The following GNAI1 variants were observed in gnomAD, a reference collection of about 807,000 sequenced individuals.
GNAI1 encodes guanine nucleotide-binding protein G(i) subunit alpha-1.
A neutral mutation model predicts 38.9 loss-of-function variants in GNAI1; 11 were observed. The ratio of observed to expected loss-of-function variants is 0.28; its 90% CI spans 0.18 to 0.47. The LOEUF is 0.47. Ranked by LOEUF, GNAI1 falls within the 20% of genes least tolerant of loss-of-function variation. The pLI is 0.99. For missense variants in GNAI1, 317 were observed against 436.9 expected (o/e 0.73, Z 2.45); for synonymous variants, 166 against 145.1 (o/e 1.14, Z -1.04).
chr7:80,199,124 T>C, intron 3 of GNAI1, 101 bp from the exon 4 acceptor site: 1 of 821,916 alleles, frequency 1.2e-6, no homozygotes, highest in Non-Finnish European at 1.9e-6. Flanking sequence ...CAAAGGAAGT[T>C]CGCTATTGCC....
rs1789055954 is a variant in GNAI1, at chr7:80,220,592, ATTCTC to A, written c.*3103_*3107del. Among the ~76,000 whole-genome samples the A allele has an allele frequency of 6.6e-6, 1 of 152,182 alleles. No homozygotes were observed. Among genetic ancestry groups the A allele is most frequent in the Non-Finnish European group, 1.5e-5 (1 of 68,040 alleles). ...CCCTAAGGCGCTTGTGGTTTCTAAA[ATTCTC>A]TTCATTTCAGTAACCTTCTAAAAGT... On this transcript the variant is annotated 3_prime_UTR_variant, in exon 8 of 8. Transcript: ENST00000649796.
chr7:80,174,045 G>C (rs1176944275), intron 1 of GNAI1, among the ~76,000 whole-genome samples: 1 of 152,116 alleles, frequency 6.6e-6, no homozygotes, highest in East Asian at 1.9e-4. Flanking sequence ...AGGAAACTTT[G>C]GAGAGTTAAA....
intron 1 of GNAI1, among the ~76,000 whole-genome samples, chr7:80,184,350 G>A (rs745849957): frequency 2.6e-5 from 4 of 152,152 alleles, no homozygotes; most frequent in South Asian, 2.1e-4. Flanking sequence ...ACATTGGTAC[G>A]TCCAGGGTCT....
At position 80,217,891 on chromosome 7, in the gene GNAI1, G is replaced by GACTATT. The variant is rs1789001002; in HGVS notation, c.*403_*408dup. ...TAAATATACCTTGTACTGAATGACA[G>GACTATT]ACTATTACTACGTTTGCCAGTTTTA... On this transcript the variant is annotated 3_prime_UTR_variant, in exon 8 of 8. Transcript: ENST00000649796. The GACTATT allele has an allele frequency of 6.5e-6, 1 of 153,078 alleles. No individual in the cohort carries two copies. The highest frequency in any genetic ancestry group is 2.4e-5 in the African/African-American group (1 of 41,430). The allele number at this position is 153,078 out of a possible 1,614,324, so 9.5% of individuals were successfully genotyped here.
intron 1 of GNAI1, among the ~76,000 whole-genome samples, chr7:80,184,643 A>G (rs986589336): frequency 1.3e-5 from 2 of 152,132 alleles, no homozygotes; most frequent in African/African-American, 4.8e-5. Context: ...TTTTCTATCT[A>G]TATGGAGACT....
rs144658744 is a variant in GNAI1 at position 80,219,801 on chromosome 7, G to A, written c.*2308G>A. On this transcript the variant is annotated 3_prime_UTR_variant, in exon 8 of 8. Coordinates refer to ENST00000649796, the MANE Select transcript of GNAI1 (RefSeq NM_002069.6). Reference sequence around the variant, plus strand: ...ATGTATACATGTGCCATGGTGGTTTGCTGCACCTATCAACCTGTCATCTAA... The same window carrying A: ...ATGTATACATGTGCCATGGTGGTTTACTGCACCTATCAACCTGTCATCTAA... 3.9e-4 allele frequency among the ~76,000 whole-genome samples: 59 copies of A among 152,234 alleles called. No individual in the cohort carries two copies. Among genetic ancestry groups the A allele is most frequent in the Middle Eastern group, 3.4e-3 (1 of 294 alleles).
intron 1 of GNAI1, among the ~76,000 whole-genome samples, chr7:80,150,341 T>C (rs945657911): frequency 2.0e-5 from 3 of 152,146 alleles, no homozygotes; most frequent in African/African-American, 7.2e-5. Context: ...ATACTGAAAG[T>C]GAAATACTAT....
At chr7:80,152,111 C>G (rs1468918505) in intron 1 of GNAI1, among the ~76,000 whole-genome samples, 1 of 152,112 alleles carries the variant, frequency 6.6e-6, no homozygotes, top group African/African-American at 2.4e-5. Flanking sequence ...TCTCATGTTA[C>G]AAAGCAGGAA....
chr7:80,183,617 C>G (rs1332760751), intron 1 of GNAI1, among the ~76,000 whole-genome samples: 1 of 151,376 alleles, frequency 6.6e-6, no homozygotes, highest in African/African-American at 2.4e-5. Flanking sequence ...CAAAAGTTGA[C>G]CAAAGGATTT....
At chr7:80,161,309 T>G (rs1346149599) in intron 1 of GNAI1, among the ~76,000 whole-genome samples, 2 of 152,214 alleles carry the variant, frequency 1.3e-5, no homozygotes, top group African/African-American at 2.4e-5. Context: ...TTGCTGCATA[T>G]TGAAGGCACA....
intron 3 of GNAI1, among the ~76,000 whole-genome samples, chr7:80,197,960 T>C (rs951955794): frequency 6.6e-6 from 1 of 152,100 alleles, no homozygotes; most frequent in Admixed American, 6.6e-5. Context: ...TTTGGAAGAA[T>C]GCCTCTTGAA....
intron 1 of GNAI1, chr7:80,135,896 A>G (rs1054073805): frequency 2.0e-6 from 2 of 984,834 alleles, no homozygotes; most frequent in East Asian, 1.1e-4. Flanking sequence ...TGGATGCTTG[A>G]TTTTTCTTGC....
chr7:80,175,702 A>G (rs191192154), intron 1 of GNAI1, among the ~76,000 whole-genome samples: 4 of 152,188 alleles, frequency 2.6e-5, no homozygotes, highest in Admixed American at 2.6e-4. Context: ...GTGATCTGGG[A>G]TCAGTGATCT....
intron 1 of GNAI1, among the ~76,000 whole-genome samples, chr7:80,160,210 T>C (rs1046775595): frequency 5.9e-5 from 9 of 152,012 alleles, no homozygotes; most frequent in Non-Finnish European, 1.0e-4. Context: ...ACAGTTTTTT[T>C]TTTTTTTAAT....
At chr7:80,210,264 C>A (rs2115703892) in intron 5 of GNAI1, among the ~76,000 whole-genome samples, 1 of 152,252 alleles carries the variant, frequency 6.6e-6, no homozygotes, top group East Asian at 1.9e-4. Context: ...CTACTTTGTT[C>A]ACTAACCTAT....
intron 3 of GNAI1, 80 bp from the exon 4 acceptor site, chr7:80,199,145 T>A (rs528574026): frequency 5.1e-5 from 49 of 960,212 alleles, no homozygotes; most frequent in Middle Eastern, 4.6e-4. Flanking sequence ...TTTTTTTTTT[T>A]AACTCTAGAA....
chr7:80,174,347 AT>A (rs1190773685), intron 1 of GNAI1, among the ~76,000 whole-genome samples: 1 of 151,486 alleles, frequency 6.6e-6, no homozygotes, highest in African/African-American at 2.4e-5. Context: ...CTTCAATGTA[AT>A]TTTTCCCTTG....
rs59511755 is a variant in GNAI1, at chr7:80,200,324, C to CAAAAAAAAAAAAAA, written c.461+952_461+965dup. 5.5e-3 allele frequency among the ~76,000 whole-genome samples: 224 copies of CAAAAAAAAAAAAAA among 40,366 alleles called. 53 individuals carry two copies. Among genetic ancestry groups the CAAAAAAAAAAAAAA allele is most frequent in the African/African-American group, 0.028 (170 of 6,040 alleles). 26.5% of individuals were successfully genotyped at this position (40,366 alleles called of 152,430 possible). On this transcript the variant is annotated intron_variant, in intron 4 of 7. Coordinates refer to ENST00000649796, the MANE Select transcript of GNAI1 (RefSeq NM_002069.6). ...CTGGAGATGGAGTGAGGCCATGTCTCAAAAAAAAAAAAAAAAAAAAAAACC... is the reference window on the plus strand; with the variant it reads ...CTGGAGATGGAGTGAGGCCATGTCTCAAAAAAAAAAAAAAAAAAAAAAAAAAAAAAAAAAAAACC...
At position 80,134,932 on chromosome 7, in the gene GNAI1, G is replaced by A; in HGVS notation, c.-229G>A. 2.6e-6 allele frequency: 1 copy of A among 379,762 alleles called. No homozygotes were observed. The highest frequency in any genetic ancestry group is 4.7e-6 in the Non-Finnish European group (1 of 214,608). 23.5% of individuals were successfully genotyped at this position (379,762 alleles called of 1,614,324 possible). On this transcript the variant is annotated 5_prime_UTR_variant, in exon 1 of 8. Transcript: ENST00000649796. ...AACCCCAAACCCGGGACTTGGGGGC[G>A]CTGAGCCGGGCCGGGAAGCAGAGCC...
Sources: gnomAD v4.1 joint callset for allele counts (sites outside exome capture counted in the v4.1 genomes callset) on GRCh38, gnomAD v4.1.1 for gene constraint, MANE v1.5 for transcripts, NCBI Gene and HGNC (gene_info 2026-07-23, HGNC 2026-07-21) for gene names.